KLHL1: variants seen among roughly 807,000 people sequenced by gnomAD.
KLHL1 encodes the protein kelch-like protein 1.
A neutral mutation model predicts 77.7 loss-of-function variants in KLHL1; 47 were observed. The ratio of observed to expected loss-of-function variants is 0.60; its 90% CI spans 0.48 to 0.77. The LOEUF (loss-of-function observed/expected upper bound fraction) is 0.77, where lower values mean the gene tolerates loss of function less well. Among genes scored for constraint, KLHL1 ranks in the 30% least tolerant of loss-of-function variants. KLHL1 has a pLI of 0.00. For synonymous variants in KLHL1, 360 were observed against 325.2 expected (o/e 1.11, Z -1.15); for missense variants, 925 against 910.8 (o/e 1.02, Z -0.20).
chr13:69,843,727 A>G (rs961583836), intron 5 of KLHL1, among the ~76,000 whole-genome samples: 2 of 151,812 alleles, frequency 1.3e-5, no homozygotes, highest in Non-Finnish European at 2.9e-5. Context: ...TGAAATTTCA[A>G]TAAGTGGTAT....
chr13:70,092,597 C>T (rs550984163), intron 1 of KLHL1, among the ~76,000 whole-genome samples: 10 of 152,062 alleles, frequency 6.6e-5, no homozygotes, highest in Non-Finnish European at 1.2e-4. Context: ...TATAATGATT[C>T]GTAGAATGTA....
intron 5 of KLHL1, among the ~76,000 whole-genome samples, chr13:69,860,402 A>G (rs970217373): frequency 7.9e-5 from 12 of 151,994 alleles, no homozygotes; most frequent in African/African-American, 2.9e-4. Flanking sequence ...GCATTGTAAG[A>G]TAGTTGCCTC....
At chr13:70,022,978 C>A (rs1349247101) in intron 1 of KLHL1, among the ~76,000 whole-genome samples, 1 of 151,922 alleles carries the variant, frequency 6.6e-6, no homozygotes, top group Non-Finnish European at 1.5e-5. Context: ...AAGTTTCGAT[C>A]ATGTCTTCCA....
At chr13:69,968,415 G>A (rs115846958) in intron 2 of KLHL1, among the ~76,000 whole-genome samples, 125 of 149,506 alleles carry the variant, frequency 8.4e-4, no homozygotes, top group African/African-American at 2.8e-3. Context: ...GCTTAATTGC[G>A]ATAGTCACTT....
chr13:70,046,490 ATTTTG>A (rs1346791350), intron 1 of KLHL1, among the ~76,000 whole-genome samples: 2 of 151,670 alleles, frequency 1.3e-5, no homozygotes, highest in African/African-American at 2.4e-5. Context: ...GTTTTGTTTC[ATTTTG>A]TTTTGTTTTT....
chr13:70,028,225 G>T (rs933873310), intron 1 of KLHL1, among the ~76,000 whole-genome samples: 1 of 152,084 alleles, frequency 6.6e-6, no homozygotes, highest in Non-Finnish European at 1.5e-5. Context: ...CCTTTGTTAA[G>T]AATTATAATT....
At chr13:69,772,234 G>T (rs1875607411) in intron 7 of KLHL1, among the ~76,000 whole-genome samples, 1 of 151,648 alleles carries the variant, frequency 6.6e-6, no homozygotes. Context: ...AAACCCCAAA[G>T]GTATGGTATA....
intron 5 of KLHL1, among the ~76,000 whole-genome samples, chr13:69,859,969 C>A (rs1200671532): frequency 1.3e-5 from 2 of 151,984 alleles, no homozygotes; most frequent in Non-Finnish European, 1.5e-5. Context: ...AAGGCCTAAA[C>A]AACAACTATT....
At chr13:70,005,184 A>T (rs111665309) in intron 1 of KLHL1, among the ~76,000 whole-genome samples, 2 of 152,112 alleles carry the variant, frequency 1.3e-5, no homozygotes, top group African/African-American at 4.8e-5. Context: ...GAAAATAAAC[A>T]TTTATATCTA....
Position 69,786,878 on chromosome 13 carries a change from C to A in KLHL1, c.1639+9860G>T, listed in dbSNP as rs139873926. Among the ~76,000 whole-genome samples the A allele has an allele frequency of 5.3e-5, 8 of 152,092 alleles. No individual in the cohort carries two copies. The East Asian group carries it at 1.5e-3, about 29-fold the overall frequency. On this transcript the variant is annotated intron_variant, in intron 7 of 10. Transcript: ENST00000377844. ...TACACCAATAACAGACAAACAGAGC[C>A]GAATCATGAGGGAACTCCCATTCAC...
chr13:69,728,306 G>A (rs1385614537), intron 8 of KLHL1, among the ~76,000 whole-genome samples: 1 of 152,054 alleles, frequency 6.6e-6, no homozygotes, highest in Non-Finnish European at 1.5e-5. Flanking sequence ...TAGGTATTAG[G>A]ACATAATGGA....
At chr13:69,719,699 A>C in intron 8 of KLHL1, 118 bp from the exon 9 acceptor site, 1 of 691,096 alleles carries the variant, frequency 1.4e-6, no homozygotes, top group Non-Finnish European at 2.4e-6. Flanking sequence ...GAAATATATT[A>C]CTTTGCAGGG....
At chr13:69,806,997 T>C (rs1354625263) in intron 6 of KLHL1, among the ~76,000 whole-genome samples, 1 of 152,178 alleles carries the variant, frequency 6.6e-6, no homozygotes, top group Non-Finnish European at 1.5e-5. Context: ...GCCTTGGTGG[T>C]GCTCTGACCC....
intron 6 of KLHL1, among the ~76,000 whole-genome samples, chr13:69,809,614 T>C (rs1377032433): frequency 6.6e-6 from 1 of 152,028 alleles, no homozygotes; most frequent in Non-Finnish European, 1.5e-5. Context: ...ACACAGCCCA[T>C]AGACCCTATA....
intron 4 of KLHL1, among the ~76,000 whole-genome samples, chr13:69,923,350 C>A (rs946825262): frequency 3.9e-5 from 6 of 152,122 alleles, no homozygotes; most frequent in African/African-American, 1.4e-4. Context: ...CTCTATGCTG[C>A]AATGGGGATT....
intron 7 of KLHL1, among the ~76,000 whole-genome samples, chr13:69,780,700 ATG>A (rs67579189): frequency 0.52 from 35,033 of 66,774 alleles, 7,939 homozygotes; most frequent in East Asian, 0.65. Flanking sequence ...ATATATATAT[ATG>A]TATATATATA....
intron 9 of KLHL1, among the ~76,000 whole-genome samples, chr13:69,716,156 A>G (rs1356143711): frequency 6.6e-6 from 1 of 152,076 alleles, no homozygotes; most frequent in African/African-American, 2.4e-5. Flanking sequence ...GCTCTTACCA[A>G]TCTATCTATC....
At chr13:69,960,769 G>A (rs770042587) in intron 3 of KLHL1, among the ~76,000 whole-genome samples, 33 of 151,676 alleles carry the variant, frequency 2.2e-4, no homozygotes, top group Non-Finnish European at 3.4e-4. Context: ...CTAATAACAC[G>A]ATACAAAGAT....
At chr13:69,907,677 C>T (rs765011397) in intron 4 of KLHL1, among the ~76,000 whole-genome samples, 21 of 151,812 alleles carry the variant, frequency 1.4e-4, no homozygotes, top group Non-Finnish European at 2.1e-4. Context: ...GCTGATTGAA[C>T]ATAATAGAGC....
Sources: allele counts gnomAD v4.1 joint callset (sites outside exome capture counted in the v4.1 genomes callset), GRCh38; gene constraint gnomAD v4.1.1; transcripts MANE v1.5; gene names NCBI Gene and HGNC (gene_info 2026-07-23, HGNC 2026-07-21).